HNRNPUL1: variants seen among roughly 807,000 people sequenced by gnomAD.
HNRNPUL1 encodes the protein heterogeneous nuclear ribonucleoprotein U like 1.
In HNRNPUL1, 14 loss-of-function variants were observed where a neutral mutation model predicts 108.5. The ratio of observed to expected loss-of-function variants is 0.13; its 90% CI spans 0.09 to 0.20. The LOEUF is 0.20. Among genes scored for constraint, HNRNPUL1 ranks in the 10% least tolerant of loss-of-function variants. The pLI, the probability that HNRNPUL1 is intolerant of heterozygous loss-of-function variation, is 1.00. For missense variants in HNRNPUL1, 804 were observed against 1,168.3 expected (o/e 0.69, Z 4.55); for synonymous variants, 422 against 445.2 (o/e 0.95, Z 0.66).
chr19:41,302,214 G>GTTTTTTT lies in HNRNPUL1; in HGVS notation c.1688-436_1688-430dup, dbSNP rs58368849. 1.1e-3 allele frequency among the ~76,000 whole-genome samples: 98 copies of GTTTTTTT among 92,428 alleles called. 6 individuals carry two copies. Among genetic ancestry groups the GTTTTTTT allele is most frequent in the African/African-American group, 3.3e-3 (72 of 21,748 alleles). 60.6% of individuals were successfully genotyped at this position (92,428 alleles called of 152,430 possible). ...TGTCTACCTCTTTCTCTCTCTCTCT[G>GTTTTTTT]TTTTTTTTTTTTTTTTTTTTTGGAG... On this transcript the variant is annotated intron_variant, in intron 11 of 14. Transcript: ENST00000392006.
In HNRNPUL1 at chr19:41,304,252, C is replaced by A; in HGVS notation, c.2253C>A (p.Ser751Arg). 1 of 1,607,656 alleles carries A rather than the reference C, an allele frequency of 6.2e-7. No homozygotes were observed. The highest frequency in any genetic ancestry group is 8.5e-7 in the Non-Finnish European group (1 of 1,176,070). ...GCACCCCCACCGTCAGCAGCTACAG[C>A]CCTCCACAGGTGAGAGAATGAGTGT... ...NTSTPTVSSY[S>R]PPQPSYSQPP... Residue 751 changes from serine to arginine, a missense_variant, in exon 13 of 15, where the codon AGC becomes AGA. Coordinates refer to ENST00000392006, the MANE Select transcript of HNRNPUL1 (RefSeq NM_007040.6).
chr19:41,272,449 A>C (rs1397235774), intron 3 of HNRNPUL1: 3 of 512,530 alleles, frequency 5.9e-6, no homozygotes, highest in Non-Finnish European at 6.9e-6. Context: ...CCTGCAGGGT[A>C]ACTTCTAAAT....
chr19:41,267,041 G>A (rs1194189871), intron 1 of HNRNPUL1, among the ~76,000 whole-genome samples: 4 of 152,238 alleles, frequency 2.6e-5, no homozygotes, highest in Admixed American at 1.3e-4. Context: ...GCTTTGGAGC[G>A]TAGACTCTAG....
chr19:41,268,040 G>A, intron 1 of HNRNPUL1, 183 bp from the exon 2 acceptor site: 1 of 501,458 alleles, frequency 2.0e-6, no homozygotes. Context: ...CTTCAGTGGG[G>A]CAAGCTTGTC....
chr19:41,264,824 G>GGGAGCCCGGAGCCTGGGCCGA, intron 1 of HNRNPUL1, 26 bp downstream of exon 1: 1 of 1,342,590 alleles, frequency 7.4e-7, no homozygotes, highest in Non-Finnish European at 9.5e-7. Flanking sequence ...GCGGGGGCCG[G>GGGAGCCCGGAGCCTGGGCCGA]GGAGCCCGGA....
intron 7 of HNRNPUL1, among the ~76,000 whole-genome samples, chr19:41,288,230 T>C (rs2036365683): frequency 1.3e-5 from 2 of 148,960 alleles, no homozygotes; most frequent in Non-Finnish European, 3.0e-5. Flanking sequence ...AACTTGTATG[T>C]CTTGGGGGTC....
intron 2 of HNRNPUL1, among the ~76,000 whole-genome samples, 189 bp downstream of exon 2, chr19:41,268,534 A>AC (rs1324024605): frequency 6.6e-6 from 1 of 152,018 alleles, no homozygotes; most frequent in African/African-American, 2.4e-5. Context: ...GTGTTGGGAG[A>AC]GGGGAGGTTC....
chr19:41,265,164 T>TACGG, intron 1 of HNRNPUL1: 1 of 1,433,772 alleles, frequency 7.0e-7, no homozygotes, highest in Non-Finnish European at 9.1e-7. Context: ...ATGGGGATCC[T>TACGG]AGGGTACGGA....
chr19:41,279,002 C>G, intron 5 of HNRNPUL1, 75 bp from the exon 6 acceptor site: 196 of 944,044 alleles, frequency 2.1e-4, no homozygotes, highest in Non-Finnish European at 3.0e-4. Context: ...GCCTGATATG[C>G]TTCCCTCCTA....
chr19:41,291,807 AC>A (rs2036587740), intron 7 of HNRNPUL1: 1 of 171,952 alleles, frequency 5.8e-6, no homozygotes, highest in South Asian at 1.3e-4. Context: ...ACATAACAAG[AC>A]CCTGTCTCTA....
chr19:41,264,917 C>T, intron 1 of HNRNPUL1, 119 bp downstream of exon 1: 2 of 1,339,638 alleles, frequency 1.5e-6, no homozygotes, highest in Non-Finnish European at 9.5e-7. Context: ...GGGGATCCCG[C>T]TACCCGCCGC....
chr19:41,272,033 CT>C, intron 2 of HNRNPUL1, 48 bp from the exon 3 acceptor site: 1 of 1,598,772 alleles, frequency 6.3e-7, no homozygotes, highest in African/African-American at 1.3e-5. Context: ...AAAGTGATAG[CT>C]GGGGAGCTTG....
Position 41,292,133 on chromosome 19 carries a change from T to C in HNRNPUL1, c.1000-112T>C. On this transcript the variant is annotated intron_variant, in intron 7 of 14. Transcript: ENST00000392006. This position sits in a 1 kb window ranked among gnomAD's most constrained non-coding sequence, Gnocchi z 4.1. ...CCTGTATGTTGGGGAAGGATGCACTTCAATCTGGAAAGCTGTCCACATTCT... is the reference window on the plus strand; with the variant it reads ...CCTGTATGTTGGGGAAGGATGCACTCCAATCTGGAAAGCTGTCCACATTCT... The C allele has an allele frequency of 8.9e-7, 1 of 1,117,330 alleles. No individual in the cohort carries two copies. Among genetic ancestry groups the C allele is most frequent in the South Asian group, 1.4e-5 (1 of 70,812 alleles). 69.2% of individuals were successfully genotyped at this position (1,117,330 alleles called of 1,614,324 possible). A position where few individuals can be genotyped will look rare whatever the true frequency, so the allele number is the denominator to read the frequency against.
In HNRNPUL1 at chr19:41,292,424, C is replaced by G. The variant is rs1438885430; in HGVS notation, c.1179C>G (p.Val393=). ...FGQRAEPYCS[V]LPGFTFIQHL... ...AGAGAGCAGAGCCCTACTGTTCTGT[C>G]CTCCCGGGGTTTACCTTCATCCAGC... Residue 393 remains valine, a synonymous_variant, in exon 8 of 15, where the codon GTC becomes GTG. Coordinates refer to ENST00000392006, the MANE Select transcript of HNRNPUL1 (RefSeq NM_007040.6). The surrounding 1 kb of genome is among the most constrained non-coding windows in gnomAD (Gnocchi z 4.1). 2 of 1,614,072 alleles carry G rather than the reference C, an allele frequency of 1.2e-6. No individual in the cohort carries two copies. The highest frequency in any genetic ancestry group is 1.7e-6 in the Non-Finnish European group (2 of 1,180,044).
intron 2 of HNRNPUL1, among the ~76,000 whole-genome samples, chr19:41,269,642 GA>G (rs2035092426): frequency 6.6e-6 from 1 of 151,716 alleles, no homozygotes; most frequent in East Asian, 1.9e-4. Flanking sequence ...GTTGTCTTTA[GA>G]AAAAATTAAA....
At chr19:41,273,749 C>G (rs1056017347) in intron 3 of HNRNPUL1, among the ~76,000 whole-genome samples, 2 of 152,158 alleles carry the variant, frequency 1.3e-5, no homozygotes, top group Non-Finnish European at 2.9e-5. Context: ...CTGATGCCCC[C>G]CTTCAGCAGA....
rs2122641042 is a variant in HNRNPUL1, at chr19:41,280,803, T to G, written c.887-360T>G. Reference sequence around the variant, plus strand: ...CCCCTTCACTGATTTCTACCACAAGTAGACTGGACTGAATATTGGGTGTCA... The same window carrying G: ...CCCCTTCACTGATTTCTACCACAAGGAGACTGGACTGAATATTGGGTGTCA... On this transcript the variant is annotated intron_variant, in intron 6 of 14. Coordinates refer to ENST00000392006, the MANE Select transcript of HNRNPUL1 (RefSeq NM_007040.6). 1.9e-5 allele frequency: 4 copies of G among 206,870 alleles called. No individual in the cohort carries two copies. In the South Asian group the frequency reaches 3.3e-4, roughly 17 times the overall value. 12.8% of individuals were successfully genotyped at this position (206,870 alleles called of 1,614,324 possible).
intron 2 of HNRNPUL1, among the ~76,000 whole-genome samples, chr19:41,270,345 A>G (rs2035147692): frequency 6.6e-6 from 1 of 152,108 alleles, no homozygotes; most frequent in South Asian, 2.1e-4. Context: ...TTGAGGCTCC[A>G]TGAGCCATGA....
chr19:41,297,897 A>G (rs2036982425), intron 10 of HNRNPUL1, among the ~76,000 whole-genome samples: 1 of 152,066 alleles, frequency 6.6e-6, no homozygotes, highest in Non-Finnish European at 1.5e-5. Flanking sequence ...CAGGCCTTGG[A>G]GGAAGGATGT....
Sources: gnomAD v4.1 joint callset for allele counts (sites outside exome capture counted in the v4.1 genomes callset) on GRCh38, gnomAD v4.1.1 for gene constraint, Gnocchi (gnomAD v3.1) non-coding constraint, MANE v1.5 for transcripts, NCBI Gene and HGNC (gene_info 2026-07-23, HGNC 2026-07-21) for gene names.